The following MAN2C1 variants were observed in gnomAD, a reference collection of about 807,000 sequenced individuals.
MAN2C1 encodes mannosidase alpha class 2C member 1, also known as alpha-mannosidase 2C1.
A neutral mutation model predicts 126.9 loss-of-function variants in MAN2C1; 111 were observed. The observed-to-expected ratio is 0.87, with a 90% CI of 0.75 to 1.02. The LOEUF (loss-of-function observed/expected upper bound fraction) is 1.02, where lower values mean the gene tolerates loss of function less well. Ranked by LOEUF, MAN2C1 falls within the 50% of genes least tolerant of loss-of-function variation. The probability of loss-of-function intolerance (pLI) is 0.00; values close to 1 mark genes in which losing one functional copy is unlikely to be tolerated. For synonymous variants in MAN2C1, 567 were observed against 561.5 expected (o/e 1.01, Z -0.14); for missense variants, 1,363 against 1,364.4 (o/e 1.00, Z 0.02).
In MAN2C1 at chr15:75,359,675, G is replaced by A; in HGVS notation, c.1893C>T (p.Pro631=). 1 of 1,614,174 alleles carries A rather than the reference G, an allele frequency of 6.2e-7. No homozygotes were observed. Among genetic ancestry groups the A allele is most frequent in the Middle Eastern group, 1.6e-4 (1 of 6,062 alleles). The part of the protein sequence containing the change: ...PEGLLIVNTL[P]WKRIEVMALP... ...GGGCCATCACTTCGATCCGCTTCCAGGGCAGTGTGTTGACGATGAGGAGGC... is the reference window on the plus strand; with the variant it reads ...GGGCCATCACTTCGATCCGCTTCCAAGGCAGTGTGTTGACGATGAGGAGGC... Residue 631 remains proline (P), a synonymous_variant, in exon 16 of 26, where the codon CCC becomes CCT. Transcript: ENST00000267978.
At position 75,361,180 on chromosome 15, in the gene MAN2C1, G is replaced by C; in HGVS notation, c.1326C>G (p.Thr442=). The change falls in exon 12 of 26, where the codon ACC becomes ACG. Residue 442 remains threonine, a synonymous_variant. Transcript: ENST00000267978. The surrounding 1 kb of genome is among the most constrained non-coding windows in gnomAD (Gnocchi z 5.0). The part of the protein sequence containing the change: ...MQGSVEEVLK[T]VANNRDKGRA... ...GCCCCTTGTCCCGGTTGTTGGCCACGGTCTTCAGCACCTAGACAGGTGAGG... is the reference window on the plus strand; with the variant it reads ...GCCCCTTGTCCCGGTTGTTGGCCACCGTCTTCAGCACCTAGACAGGTGAGG... 3.7e-6 allele frequency: 6 copies of C among 1,612,714 alleles called. No individual in the cohort carries two copies. The highest frequency in any genetic ancestry group is 1.7e-4 in the Middle Eastern group (1 of 6,058).
rs954532751 is a variant in MAN2C1, at chr15:75,368,475, G to C, written c.101+8C>G. On this transcript the variant is annotated splice_region_variant and intron_variant, in intron 1 of 25. Transcript: ENST00000267978. Reference sequence around the variant, plus strand: ...GGTCGGCCGGCTGCGGGGGACCAGGGGCCACACCTGCCGCGGAGGTTACAG... The same window carrying C: ...GGTCGGCCGGCTGCGGGGGACCAGGCGCCACACCTGCCGCGGAGGTTACAG... The C allele has an allele frequency of 3.2e-6, 5 of 1,549,358 alleles. No individual in the cohort carries two copies. The highest frequency in any genetic ancestry group is 2.0e-5 in the Admixed American group (1 of 51,058).
chr15:75,359,861 C>G, intron 15 of MAN2C1, 42 bp downstream of exon 15: 1 of 1,611,842 alleles, frequency 6.2e-7, no homozygotes, highest in Non-Finnish European at 8.5e-7. Flanking sequence ...TGGGCTCAGC[C>G]CTGGGGTTGG....
intron 21 of MAN2C1, chr15:75,357,138 T>C: frequency 1.9e-6 from 1 of 533,918 alleles, no homozygotes; most frequent in Non-Finnish European, 3.3e-6. Context: ...GAGTATCAAA[T>C]TAAATGTAAA....
Position 75,362,524 on chromosome 15 carries a change from C to T in MAN2C1, c.898-71G>A, listed in dbSNP as rs1164391844. ...CACCCAGGACTGAGCATATGGGACT[C>T]AGTGTGTGGCTGAGGGTGAGGAGCA... is the stretch of plus-strand genomic sequence containing the variant. On this transcript the variant is annotated intron_variant, in intron 7 of 25. Coordinates refer to ENST00000267978, the MANE Select transcript of MAN2C1 (RefSeq NM_006715.4). The surrounding 1 kb of genome is among the most constrained non-coding windows in gnomAD (Gnocchi z 4.5). 2.4e-5 allele frequency: 37 copies of T among 1,522,820 alleles called. No homozygotes were observed. Among genetic ancestry groups the T allele is most frequent in the Middle Eastern group, 1.8e-4 (1 of 5,698 alleles). The allele number at this position is 1,522,820 out of a possible 1,614,324, so 94.3% of individuals were successfully genotyped here.
rs2072388631 is a variant in MAN2C1 at position 75,358,490 on chromosome 15, C to G, written c.2375G>C (p.Gly792Ala). 1.2e-6 allele frequency: 2 copies of G among 1,613,460 alleles called. No individual in the cohort carries two copies. Among genetic ancestry groups the G allele is most frequent in the South Asian group, 2.2e-5 (2 of 91,090 alleles). Reference sequence around the variant, plus strand: ...GGTGTGGAAGCGGACATAGGGGCAGCCAACGTCCAGCACAACCTCCTGGCT... The same window carrying G: ...GGTGTGGAAGCGGACATAGGGGCAGGCAACGTCCAGCACAACCTCCTGGCT... ...RLSQEVVLDV[G>A]CPYVRFHTEV... The change falls in exon 20 of 26, where the codon GGC (glycine) becomes GCC (alanine). Residue 792 changes from glycine to alanine, a missense_variant. Gly to Ala is a moderately conservative substitution (Grantham distance 60). Transcript: ENST00000267978.
At position 75,366,393 on chromosome 15, in the gene MAN2C1, C is replaced by A. The variant is rs1193985900; in HGVS notation, c.422+129G>T. 6 of 753,060 alleles carry A rather than the reference C, an allele frequency of 8.0e-6. No homozygotes were observed. The Admixed American group carries it at 1.4e-4, about 17-fold the overall frequency. 46.6% of individuals were successfully genotyped at this position (753,060 alleles called of 1,614,324 possible). ...AAAAAATCATGCTTTTAAAAGCAAA[C>A]AATGAGATGTGAGGATGATTGTGCT... On this transcript the variant is annotated intron_variant, in intron 4 of 25. Transcript: ENST00000267978.
chr15:75,366,604 G>C lies in MAN2C1; in HGVS notation c.352-12C>G. On this transcript the variant is annotated splice_polypyrimidine_tract_variant and intron_variant, in intron 3 of 25. Transcript: ENST00000267978. ...TCTTTGGTTAAACCCTAGTAGGGAG[G>C]GGAGTGAGAGAGACAAGGCTTGAGG... 2 of 1,602,270 alleles carry C rather than the reference G, an allele frequency of 1.2e-6. No individual in the cohort carries two copies. The highest frequency in any genetic ancestry group is 1.7e-6 in the Non-Finnish European group (2 of 1,172,214).
Position 75,356,688 on chromosome 15 carries a change from G to C in MAN2C1, c.2658-3C>G. 6.2e-7 allele frequency: 1 copy of C among 1,600,886 alleles called. No individual in the cohort carries two copies. Among genetic ancestry groups the C allele is most frequent in the Non-Finnish European group, 8.5e-7 (1 of 1,174,168 alleles). On this transcript the variant is annotated splice_region_variant and splice_polypyrimidine_tract_variant and intron_variant, in intron 22 of 25. Coordinates refer to ENST00000267978, the MANE Select transcript of MAN2C1 (RefSeq NM_006715.4). This position sits in a 1 kb window ranked among gnomAD's most constrained non-coding sequence, Gnocchi z 5.8. The stretch of plus-strand genomic sequence containing the variant: ...CCGGGGCTTTAGGCGCCCGCAAGCT[G>C]GGGTGAGGAGGGCGCGTAGGGGCCA...
At chr15:75,358,996 A>T in intron 18 of MAN2C1, 63 bp downstream of exon 18, 1 of 1,598,176 alleles carries the variant, frequency 6.3e-7, no homozygotes, top group East Asian at 2.2e-5. Flanking sequence ...TGGCAAGGGG[A>T]GAGAGGAAAT....
intron 4 of MAN2C1, chr15:75,366,147 A>G (rs1396212864): frequency 1.2e-5 from 4 of 320,792 alleles, no homozygotes; most frequent in South Asian, 4.9e-5. Flanking sequence ...AGGGAGTGGA[A>G]TAACGGTAGT....
In MAN2C1 at chr15:75,356,386, A is replaced by G; in HGVS notation, c.2801T>C (p.Leu934Pro). The G allele has an allele frequency of 6.2e-7, 1 of 1,611,594 alleles. No homozygotes were observed. The highest frequency in any genetic ancestry group is 8.5e-7 in the Non-Finnish European group (1 of 1,179,176). ...GGCGGGCGCTGGGCTGGGGGCTGGC[A>G]GAGCCAACAGGGGGAAGTTTAGGCT... Reference protein sequence around the residue: ...AYSLNFPLLALPAPSPAPATS... With the variant: ...AYSLNFPLLAPPAPSPAPATS... Residue 934 changes from leucine (L) to proline (P), a missense_variant, in exon 24 of 26, where the codon CTG becomes CCG. Physicochemically the swap from Leu to Pro is moderately conservative, Grantham distance 98. Around this residue, in one of 3 missense-constraint regions of MAN2C1, gnomAD observed 668 missense variants for 650.1 expected, o/e 1.03. Transcript: ENST00000267978. The surrounding 1 kb of genome is among the most constrained non-coding windows in gnomAD (Gnocchi z 5.8).
At position 75,356,842 on chromosome 15, in the gene MAN2C1, C is replaced by G. The variant is rs775771515; in HGVS notation, c.2608G>C (p.Asp870His). Reference protein sequence around the residue: ...EHGFGLALLNDCKYGASVRGS... With the variant: ...EHGFGLALLNHCKYGASVRGS... The stretch of plus-strand genomic sequence containing the variant: ...CGCACTGACGCGCCATACTTGCAGT[C>G]GTTGAGCAGGGCCAGCCCAAAGCCG... Residue 870 changes from aspartate to histidine, a missense_variant, in exon 22 of 26, where the codon GAC becomes CAC. This residue lies in a region of MAN2C1 where 668 missense variants were observed against 650.1 expected (regional missense o/e 1.03). Transcript: ENST00000267978. The surrounding 1 kb of genome is among the most constrained non-coding windows in gnomAD (Gnocchi z 5.8). 6.2e-7 allele frequency: 1 copy of G among 1,614,122 alleles called. No homozygotes were observed. Among genetic ancestry groups the G allele is most frequent in the Non-Finnish European group, 8.5e-7 (1 of 1,180,038 alleles).
chr15:75,361,295 G>T lies in MAN2C1; in HGVS notation c.1305C>A (p.Ser435Arg), dbSNP rs375746321. The T allele has an allele frequency of 2.5e-6, 4 of 1,570,574 alleles. No individual in the cohort carries two copies. The African/African-American group carries it at 5.4e-5, about 21-fold the overall frequency. The change falls in exon 11 of 26, where the codon AGC becomes AGA. Residue 435 changes from serine to arginine, a missense_variant. Transcript: ENST00000267978. This position sits in a 1 kb window ranked among gnomAD's most constrained non-coding sequence, Gnocchi z 5.0. ...CTAGGTGACCCCTCACCTCCTCCAC[G>T]CTGCCCTGCATCCCATAGGAGTCGC... ...PPGDSYGMQG[S>R]VEEVLKTVAN...
Position 75,361,487 on chromosome 15 carries a change from C to T in MAN2C1, c.1219-106G>A. The T allele has an allele frequency of 7.9e-7, 1 of 1,264,378 alleles. No homozygotes were observed. The highest frequency in any genetic ancestry group is 1.2e-5 in the South Asian group (1 of 82,570). The allele number at this position is 1,264,378 out of a possible 1,614,324, so 78.3% of individuals were successfully genotyped here. Reference sequence around the variant, plus strand: ...GCCCCTGCCTGCTATGTGACCCTGGCAGAGGCAGAGTGAGGGTTTGGTGGT... The same window carrying T: ...GCCCCTGCCTGCTATGTGACCCTGGTAGAGGCAGAGTGAGGGTTTGGTGGT... On this transcript the variant is annotated intron_variant, in intron 10 of 25. Transcript: ENST00000267978. This position sits in a 1 kb window ranked among gnomAD's most constrained non-coding sequence, Gnocchi z 5.0.
Position 75,364,650 on chromosome 15 carries a change from C to T in MAN2C1, c.438G>A (p.Val146=). 2 of 1,611,714 alleles carry T rather than the reference C, an allele frequency of 1.2e-6. No homozygotes were observed. The highest frequency in any genetic ancestry group is 1.7e-6 in the Non-Finnish European group (2 of 1,178,726). The change falls in exon 5 of 26, where the codon GTG becomes GTA. Residue 146 remains valine, a synonymous_variant. Coordinates refer to ENST00000267978, the MANE Select transcript of MAN2C1 (RefSeq NM_006715.4). The part of the protein sequence containing the change: ...ERDPRSLTLY[V]EVACNGLLGA... The stretch of plus-strand genomic sequence containing the variant: ...CCAGGAGCCCATTGCAGGCTACTTC[C>T]ACATAGAGAGTGAGGCTACAAAGAT...
At chr15:75,367,965 C>T (rs2072612668) in intron 2 of MAN2C1, 108 bp downstream of exon 2, 6 of 1,381,456 alleles carry the variant, frequency 4.3e-6, no homozygotes, top group Non-Finnish European at 5.8e-6. Flanking sequence ...GCTGCTCGAT[C>T]CCACGTAGTT....
chr15:75,361,860 A>G lies in MAN2C1; in HGVS notation c.1096T>C (p.Ser366Pro), dbSNP rs1164552578. The G allele has an allele frequency of 7.4e-6, 12 of 1,614,052 alleles. No individual in the cohort carries two copies. The highest frequency in any genetic ancestry group is 1.0e-5 in the Non-Finnish European group (12 of 1,179,972). Residue 366 changes from serine (S) to proline (P), a missense_variant, in exon 9 of 26, where the codon TCT (serine) becomes CCT (proline). By Grantham distance (74) the Ser-to-Pro change is moderately conservative. Transcript: ENST00000267978. The surrounding 1 kb of genome is among the most constrained non-coding windows in gnomAD (Gnocchi z 5.0). ...FFLQEFGKMCSEFWLPDTFGY... is the reference protein window; with the variant it reads ...FFLQEFGKMCPEFWLPDTFGY... ...TGTAGCAGCTCTCAGCCTACCTCAG[A>G]GCACATCTTCCCAAACTCCTGCAGA...
chr15:75,364,492 G>C lies in MAN2C1; in HGVS notation c.596C>G (p.Ala199Gly). The C allele has an allele frequency of 6.3e-7, 1 of 1,587,084 alleles. No homozygotes were observed. Among genetic ancestry groups the C allele is most frequent in the Non-Finnish European group, 8.6e-7 (1 of 1,166,294 alleles). ...LVDLELLLGI[A>G]KGLGKDNQRS... ...GGTACAGGGGGTGTCAAGTACCTTGGCTATGCCCAGCAGCAGCTCCAGATC... is the reference window on the plus strand; with the variant it reads ...GGTACAGGGGGTGTCAAGTACCTTGCCTATGCCCAGCAGCAGCTCCAGATC... The change falls in exon 5 of 26, where the codon GCC becomes GGC. Residue 199 changes from alanine (A) to glycine (G), a missense_variant. Transcript: ENST00000267978.
Sources: allele counts gnomAD v4.1 joint callset, GRCh38; gene constraint gnomAD v4.1.1; regional missense constraint gnomAD v4.1.1; non-coding constraint Gnocchi (gnomAD v3.1); transcripts MANE v1.5; gene names NCBI Gene and HGNC (gene_info 2026-07-23, HGNC 2026-07-21).